Variants in FAT3 observed in about 807,000 individuals in gnomAD.
FAT3 encodes protocadherin Fat 3.
A neutral mutation model predicts 310.2 loss-of-function variants in FAT3; 95 were observed. The ratio of observed to expected loss-of-function variants is 0.31; its 90% CI spans 0.26 to 0.36. The LOEUF (loss-of-function observed/expected upper bound fraction) is 0.36. Ranked by LOEUF, FAT3 falls within the 10% of genes least tolerant of loss-of-function variation. FAT3 has a pLI of 1.00. For missense variants in FAT3, 5,408 were observed against 5,715.6 expected (o/e 0.95, Z 1.74); for synonymous variants, 2,314 against 2,192.9 (o/e 1.06, Z -1.54).
intron 2 of FAT3, among the ~76,000 whole-genome samples, chr11:92,481,248 T>C (rs1952217457): frequency 6.6e-6 from 1 of 152,214 alleles, no homozygotes; most frequent in Admixed American, 6.5e-5. Context: ...TGGGCAATGA[T>C]GATATTTAAA....
At chr11:92,425,435 C>A (rs1238844915) in intron 2 of FAT3, among the ~76,000 whole-genome samples, 2 of 151,888 alleles carry the variant, frequency 1.3e-5, no homozygotes, top group African/African-American at 4.8e-5. Context: ...ACGTACAGAA[C>A]GTGCAGGTTT....
At chr11:92,268,702 G>A (rs1227802622) in intron 1 of FAT3, among the ~76,000 whole-genome samples, 2 of 152,098 alleles carry the variant, frequency 1.3e-5, no homozygotes, top group East Asian at 1.9e-4. Flanking sequence ...CCTGATTAAT[G>A]TTTTACATAT....
chr11:92,557,358 T>A (rs1955058648), intron 3 of FAT3, among the ~76,000 whole-genome samples: 1 of 152,142 alleles, frequency 6.6e-6, no homozygotes, highest in Non-Finnish European at 1.5e-5. Context: ...CCCGGGCTGA[T>A]GACTTGTAAT....
chr11:92,636,026 C>T (rs1317161417), intron 3 of FAT3, among the ~76,000 whole-genome samples: 1 of 152,056 alleles, frequency 6.6e-6, no homozygotes, highest in Non-Finnish European at 1.5e-5. Context: ...TGCAGTGGTG[C>T]CATCTTGGCT....
chr11:92,866,534 G>C (rs1409363222), intron 21 of FAT3, among the ~76,000 whole-genome samples: 1 of 152,188 alleles, frequency 6.6e-6, no homozygotes, highest in Non-Finnish European at 1.5e-5. Flanking sequence ...CACAAGATTT[G>C]TGAAATATAA....
chr11:92,250,936 A>G (rs1360872733), intron 1 of FAT3, among the ~76,000 whole-genome samples: 1 of 152,166 alleles, frequency 6.6e-6, no homozygotes, highest in African/African-American at 2.4e-5. Flanking sequence ...TAGTAAAATG[A>G]CATCCGCTCT....
intron 2 of FAT3, among the ~76,000 whole-genome samples, chr11:92,507,539 A>G (rs1202865429): frequency 6.6e-6 from 1 of 151,902 alleles, no homozygotes; most frequent in East Asian, 1.9e-4. Context: ...ATACACACAT[A>G]CATATATAGG....
chr11:92,723,504 C>A (rs973284037), intron 4 of FAT3, among the ~76,000 whole-genome samples: 1 of 152,178 alleles, frequency 6.6e-6, no homozygotes, highest in South Asian at 2.1e-4. Flanking sequence ...CAACCTCTGC[C>A]TGTTAGCCAG....
chr11:92,421,961 G>A (rs1404886803), intron 2 of FAT3, among the ~76,000 whole-genome samples: 1 of 152,204 alleles, frequency 6.6e-6, no homozygotes, highest in Non-Finnish European at 1.5e-5. Flanking sequence ...CAGCCAACAA[G>A]TGTGATGGAA....
At chr11:92,306,552 TTA>T (rs1156788174) in intron 1 of FAT3, among the ~76,000 whole-genome samples, 4 of 124,318 alleles carry the variant, frequency 3.2e-5, no homozygotes, top group Non-Finnish European at 6.4e-5. Context: ...ATTATATATG[TTA>T]TATATATTTA....
chr11:92,577,180 G>T (rs920352984), intron 3 of FAT3, among the ~76,000 whole-genome samples: 1 of 151,866 alleles, frequency 6.6e-6, no homozygotes, highest in Non-Finnish European at 1.5e-5. Context: ...ACATGATCTT[G>T]GTTCTGCAAC....
rs77461485 is a variant in FAT3 at position 92,867,365 on chromosome 11, G to A, written c.12127+156G>A. Among the ~76,000 whole-genome samples the A allele has an allele frequency of 8.3e-3, 1,265 of 152,328 alleles. 16 individuals carry two copies. Among genetic ancestry groups the A allele is most frequent in the African/African-American group, 0.029 (1,208 of 41,580 alleles). ...AACCTTCTTAATCTGCTTTAGGGAA[G>A]TCTCAGCTCTTGACAATTACAGGAG... On this transcript the variant is annotated intron_variant, in intron 22 of 27. Transcript: ENST00000525166.
intron 18 of FAT3, 51 bp downstream of exon 18, chr11:92,840,810 G>A: frequency 2.1e-6 from 3 of 1,452,774 alleles, no homozygotes; most frequent in Non-Finnish European, 2.8e-6. Flanking sequence ...TCTCATGCTT[G>A]TTTCTGTCCC....
intron 4 of FAT3, among the ~76,000 whole-genome samples, chr11:92,743,868 A>G (rs893171532): frequency 6.6e-6 from 1 of 152,164 alleles, no homozygotes; most frequent in South Asian, 2.1e-4. Context: ...AAGTTAGTAC[A>G]TACAGCCCCC....
At chr11:92,678,314 G>A (rs1396852872) in intron 3 of FAT3, among the ~76,000 whole-genome samples, 6 of 152,314 alleles carry the variant, frequency 3.9e-5, no homozygotes, top group Non-Finnish European at 7.3e-5. Context: ...GGGAGGCAGT[G>A]CAAAGGGAGT....
At chr11:92,625,114 A>G (rs1941268149) in intron 3 of FAT3, among the ~76,000 whole-genome samples, 2 of 152,226 alleles carry the variant, frequency 1.3e-5, no homozygotes, top group African/African-American at 4.8e-5. Context: ...TCCCTGAGAC[A>G]GAGAACACGA....
intron 3 of FAT3, among the ~76,000 whole-genome samples, chr11:92,554,416 T>G (rs1202364377): frequency 1.6e-5 from 2 of 126,160 alleles, no homozygotes; most frequent in Non-Finnish European, 3.1e-5. Flanking sequence ...GAGCCGAGAT[T>G]GCGCCACTGC....
In FAT3 at chr11:92,806,325, A is replaced by G. The variant is rs188200497; in HGVS notation, c.9094-37A>G. The G allele has an allele frequency of 3.0e-5, 46 of 1,556,616 alleles. No individual in the cohort carries two copies. The East Asian group carries it at 9.2e-4, about 31-fold the overall frequency. On this transcript the variant is annotated intron_variant, in intron 11 of 27. Transcript: ENST00000525166. Reference sequence around the variant, plus strand: ...AAATATGGCAATTGCCCCCACAAATACTAATGATTTTATTACCTTTCTTCA... The same window carrying G: ...AAATATGGCAATTGCCCCCACAAATGCTAATGATTTTATTACCTTTCTTCA...
intron 6 of FAT3, among the ~76,000 whole-genome samples, chr11:92,769,454 ACT>A (rs1946406467): frequency 6.6e-6 from 1 of 151,904 alleles, no homozygotes; most frequent in African/African-American, 2.4e-5. Context: ...TGATTTACAG[ACT>A]CTCTAATGTG....
Sources: gnomAD v4.1 joint callset for allele counts (sites outside exome capture counted in the v4.1 genomes callset) on GRCh38, gnomAD v4.1.1 for gene constraint, MANE v1.5 for transcripts, NCBI Gene and HGNC (gene_info 2026-07-23, HGNC 2026-07-21) for gene names.